The following NTNG1 variants were observed in gnomAD, a reference collection of about 807,000 sequenced individuals.
The protein encoded by NTNG1 is netrin G1.
In NTNG1, 16 loss-of-function variants were observed where a neutral mutation model predicts 54.0. The ratio of observed to expected loss-of-function variants is 0.30; its 90% confidence interval spans 0.20 to 0.45. The LOEUF (loss-of-function observed/expected upper bound fraction) is 0.45, where lower values mean the gene tolerates loss of function less well. Ranked by LOEUF, NTNG1 falls within the 20% of genes least tolerant of loss-of-function variation. NTNG1 has a pLI of 1.00. For missense variants in NTNG1, 530 were observed against 678.7 expected (o/e 0.78, Z 2.43); for synonymous variants, 255 against 263.1 (o/e 0.97, Z 0.30).
chr1:107,174,011 A>G (rs1316508200), intron 2 of NTNG1, among the ~76,000 whole-genome samples: 1 of 152,130 alleles, frequency 6.6e-6, no homozygotes, highest in Non-Finnish European at 1.5e-5. Flanking sequence ...TAGATCACAT[A>G]TTCCACAACA....
At chr1:107,476,723 C>T (rs139494404) in intron 7 of NTNG1, among the ~76,000 whole-genome samples, 1 of 152,082 alleles carries the variant, frequency 6.6e-6, no homozygotes, top group African/African-American at 2.4e-5. Context: ...TTTTTCTGGT[C>T]TAGATTCACC....
At chr1:107,348,021 A>C (rs996099736) in intron 3 of NTNG1, among the ~76,000 whole-genome samples, 20 of 152,084 alleles carry the variant, frequency 1.3e-4, no homozygotes, top group Non-Finnish European at 2.6e-4. Flanking sequence ...ACCATATCAT[A>C]TCTGTGGTTC....
At position 107,396,080 on chromosome 1, in the gene NTNG1, G is replaced by A. The variant is rs74613959; in HGVS notation, c.1060+754G>A. 2.6e-4 allele frequency among the ~76,000 whole-genome samples: 40 copies of A among 152,228 alleles called. No individual in the cohort carries two copies. In the East Asian group the frequency reaches 7.3e-3, roughly 28 times the overall value. On this transcript the variant is annotated intron_variant, in intron 4 of 7. Transcript: ENST00000370068. ...AATGTGATTATTTGCTGAATAATTT[G>A]CCCAATTCCATGGATGGACCAATTA...
chr1:107,167,228 G>A (rs971401134), intron 2 of NTNG1, among the ~76,000 whole-genome samples: 19 of 151,798 alleles, frequency 1.3e-4, no homozygotes, highest in African/African-American at 4.6e-4. Flanking sequence ...AACTTCATGA[G>A]ACTGTCTACA....
chr1:107,373,552 A>G (rs1671051958), intron 3 of NTNG1, among the ~76,000 whole-genome samples: 1 of 150,902 alleles, frequency 6.6e-6, no homozygotes, highest in Admixed American at 6.6e-5. Flanking sequence ...GTCTAAATGC[A>G]GAATTCCGTA....
intron 2 of NTNG1, among the ~76,000 whole-genome samples, chr1:107,191,954 A>G (rs1477052664): frequency 1.3e-5 from 2 of 152,064 alleles, no homozygotes; most frequent in African/African-American, 4.8e-5. Context: ...GTTTTCTCCA[A>G]TTCTGTGAAG....
rs368481251 is a variant in NTNG1, at chr1:107,445,614, TAATC to T, written c.1390+8818_1390+8821del. Among the ~76,000 whole-genome samples the T allele has an allele frequency of 1.8e-3, 270 of 152,252 alleles. 1 individual carries two copies. The highest frequency in any genetic ancestry group is 6.3e-3 in the African/African-American group (263 of 41,556). On this transcript the variant is annotated intron_variant, in intron 7 of 7. Transcript: ENST00000370068. ...CCAGTTATTAGTGAATATTTATTGT[TAATC>T]AAATGGCATTTTATAGGATTTTGTC...
At chr1:107,303,526 T>G (rs1375309815) in intron 2 of NTNG1, among the ~76,000 whole-genome samples, 1 of 152,220 alleles carries the variant, frequency 6.6e-6, no homozygotes, top group Non-Finnish European at 1.5e-5. Context: ...GTTTCATGAA[T>G]AGATTTATCT....
intron 2 of NTNG1, among the ~76,000 whole-genome samples, chr1:107,191,651 G>A (rs1264654493): frequency 3.3e-5 from 5 of 151,078 alleles, no homozygotes; most frequent in African/African-American, 9.8e-5. Context: ...CATATGGCTA[G>A]CCAGTTTTCC....
chr1:107,440,982 A>G lies in NTNG1; in HGVS notation c.1390+4183A>G, dbSNP rs370725477. Among the ~76,000 whole-genome samples the G allele has an allele frequency of 2.0e-5, 3 of 152,270 alleles. No individual in the cohort carries two copies. The East Asian group carries it at 5.8e-4, about 29-fold the overall frequency. ...TAATAAGATTTCAAGCAGGCCTGGC[A>G]GAATCAAAATTAGTGTTGAGGTTAC... On this transcript the variant is annotated intron_variant, in intron 7 of 7. Transcript: ENST00000370068.
At position 107,219,921 on chromosome 1, in the gene NTNG1, T is replaced by C. The variant is rs141984796; in HGVS notation, c.246+71082T>C. ...TAAGAGCACATTAGTTGCAGTAGTATAGGGAGGATCAGGCAGTGGGTGGGG... is the reference window on the plus strand; with the variant it reads ...TAAGAGCACATTAGTTGCAGTAGTACAGGGAGGATCAGGCAGTGGGTGGGG... On this transcript the variant is annotated intron_variant, in intron 2 of 7. Coordinates refer to ENST00000370068, the MANE Select transcript of NTNG1 (RefSeq NM_001113226.3). 8.4e-3 allele frequency among the ~76,000 whole-genome samples: 1,283 copies of C among 152,210 alleles called. 4 individuals are homozygous for C. The highest frequency in any genetic ancestry group is 0.014 in the Non-Finnish European group (934 of 68,008).
At chr1:107,372,053 A>G (rs553627616) in intron 3 of NTNG1, among the ~76,000 whole-genome samples, 10 of 152,052 alleles carry the variant, frequency 6.6e-5, no homozygotes, top group African/African-American at 2.4e-4. Context: ...TATGTAGATA[A>G]TTTGTGTCTT....
chr1:107,202,037 T>G (rs958429196), intron 2 of NTNG1, among the ~76,000 whole-genome samples: 1 of 151,902 alleles, frequency 6.6e-6, no homozygotes, highest in Non-Finnish European at 1.5e-5. Flanking sequence ...TTATTTTGTC[T>G]TATATTAATA....
intron 2 of NTNG1, among the ~76,000 whole-genome samples, chr1:107,303,758 C>G (rs1240309964): frequency 6.6e-6 from 1 of 152,098 alleles, no homozygotes; most frequent in Non-Finnish European, 1.5e-5. Flanking sequence ...ACGATCTCGG[C>G]TCACTGCAAC....
chr1:107,210,095 G>A (rs1208423704), intron 2 of NTNG1, among the ~76,000 whole-genome samples: 5 of 152,082 alleles, frequency 3.3e-5, no homozygotes, highest in Non-Finnish European at 7.4e-5. Flanking sequence ...AGATGGAAAC[G>A]TGAACAGTGA....
At chr1:107,179,196 T>G (rs1478933037) in intron 2 of NTNG1, among the ~76,000 whole-genome samples, 1 of 152,188 alleles carries the variant, frequency 6.6e-6, no homozygotes, top group Non-Finnish European at 1.5e-5. Context: ...CTTTTTATCC[T>G]GAAAATTAAT....
intron 5 of NTNG1, among the ~76,000 whole-genome samples, chr1:107,429,690 A>C (rs1675133754): frequency 6.6e-6 from 1 of 152,148 alleles, no homozygotes; most frequent in African/African-American, 2.4e-5. Context: ...TAAATGTCCA[A>C]CTAGGCCTAC....
At chr1:107,404,886 TA>T (rs1182510611) in intron 4 of NTNG1, among the ~76,000 whole-genome samples, 1 of 152,180 alleles carries the variant, frequency 6.6e-6, no homozygotes, top group Non-Finnish European at 1.5e-5. Flanking sequence ...CAGAGAATGC[TA>T]AAAAACTGCC....
intron 2 of NTNG1, among the ~76,000 whole-genome samples, chr1:107,302,419 C>T (rs188189651): frequency 4.4e-4 from 67 of 152,204 alleles, no homozygotes; most frequent in Non-Finnish European, 7.6e-4. Flanking sequence ...GGTTACCGCT[C>T]ACCTGCTTGG....
Sources: allele counts gnomAD v4.1 joint callset (sites outside exome capture counted in the v4.1 genomes callset), GRCh38; gene constraint gnomAD v4.1.1; transcripts MANE v1.5; gene names NCBI Gene and HGNC (gene_info 2026-07-23, HGNC 2026-07-21).